Variants in MACROD2 observed in about 807,000 individuals in gnomAD.
MACROD2 encodes the protein ADP-ribose glycohydrolase MACROD2.
MACROD2 carries 36 observed loss-of-function variants against 70.4 expected under a neutral mutation model. The ratio of observed to expected loss-of-function variants is 0.51; its 90% confidence interval spans 0.39 to 0.68. The LOEUF is 0.68. MACROD2 is among the 30% of genes least tolerant of loss of function. The pLI, the probability that MACROD2 is intolerant of heterozygous loss-of-function variation, is 0.00. For synonymous variants in MACROD2, 172 were observed against 178.8 expected (o/e 0.96, Z 0.30); for missense variants, 496 against 538.4 (o/e 0.92, Z 0.78).
intron 3 of MACROD2, among the ~76,000 whole-genome samples, chr20:14,297,378 T>C (rs1252181407): frequency 6.6e-6 from 1 of 151,994 alleles, no homozygotes; most frequent in African/African-American, 2.4e-5. Context: ...TCTTGTGCCA[T>C]ACAGTTAGCC....
chr20:15,052,105 A>T (rs1352328975), intron 5 of MACROD2, among the ~76,000 whole-genome samples: 1 of 152,122 alleles, frequency 6.6e-6, no homozygotes, highest in Non-Finnish European at 1.5e-5. Flanking sequence ...CACCTGACTG[A>T]GTTCCTTCTC....
chr20:14,544,441 G>T (rs184342943), intron 4 of MACROD2, among the ~76,000 whole-genome samples: 14 of 151,746 alleles, frequency 9.2e-5, no homozygotes. Flanking sequence ...TCTTTTTTCG[G>T]CTATAAGGCA....
At chr20:15,815,575 A>G (rs1388698562) in intron 8 of MACROD2, among the ~76,000 whole-genome samples, 1 of 152,178 alleles carries the variant, frequency 6.6e-6, no homozygotes, top group Non-Finnish European at 1.5e-5. Context: ...AAACACTTCT[A>G]CTTGAGTGAC....
intron 8 of MACROD2, among the ~76,000 whole-genome samples, chr20:15,840,999 A>G (rs1383799806): frequency 1.3e-5 from 2 of 152,226 alleles, no homozygotes; most frequent in Non-Finnish European, 2.9e-5. Flanking sequence ...TTTACCACAT[A>G]GCAAAACCTC....
At chr20:14,977,910 A>G (rs1397834398) in intron 5 of MACROD2, among the ~76,000 whole-genome samples, 1 of 152,164 alleles carries the variant, frequency 6.6e-6, no homozygotes, top group Non-Finnish European at 1.5e-5. Context: ...CACAAATGTA[A>G]TGATATTTTA....
intron 2 of MACROD2, among the ~76,000 whole-genome samples, chr20:14,022,053 G>A (rs1329812849): frequency 3.9e-5 from 6 of 152,176 alleles, no homozygotes; most frequent in African/African-American, 1.2e-4. Context: ...GAGAGGCTGA[G>A]AAATGTAAAG....
At chr20:14,062,111 A>G (rs1253123672) in intron 2 of MACROD2, among the ~76,000 whole-genome samples, 1 of 152,214 alleles carries the variant, frequency 6.6e-6, no homozygotes, top group African/African-American at 2.4e-5. Flanking sequence ...ATTTCTGCAT[A>G]GAAATTTGCA....
intron 6 of MACROD2, among the ~76,000 whole-genome samples, chr20:15,275,856 G>A (rs1052699291): frequency 2.0e-5 from 3 of 152,106 alleles, no homozygotes; most frequent in Admixed American, 2.0e-4. Context: ...GGGAAATATG[G>A]AAACACTTTG....
chr20:15,894,070 T>C (rs6034319), intron 10 of MACROD2: 60,955 of 395,412 alleles, frequency 0.15, 6,126 homozygotes, highest in East Asian at 0.43. Context: ...AGCAGGAACA[T>C]GATGCCACAG....
At chr20:14,929,701 A>G (rs576250607) in intron 5 of MACROD2, among the ~76,000 whole-genome samples, 35 of 152,142 alleles carry the variant, frequency 2.3e-4, no homozygotes, top group African/African-American at 8.4e-4. Context: ...AGGGGCTCCC[A>G]TCCTCTGAGT....
At chr20:15,905,944 G>T (rs2065140905) in intron 10 of MACROD2, among the ~76,000 whole-genome samples, 1 of 152,188 alleles carries the variant, frequency 6.6e-6, no homozygotes, top group Non-Finnish European at 1.5e-5. Context: ...ATGACATGCA[G>T]AAACCCAGGG....
chr20:15,405,935 A>G (rs1213090844), intron 6 of MACROD2, among the ~76,000 whole-genome samples: 2 of 152,172 alleles, frequency 1.3e-5, no homozygotes, highest in South Asian at 2.1e-4. Flanking sequence ...GCTCACCAAC[A>G]TAACTTCAGC....
At chr20:15,197,609 A>G (rs1164466567) in intron 5 of MACROD2, among the ~76,000 whole-genome samples, 1 of 152,206 alleles carries the variant, frequency 6.6e-6, no homozygotes, top group Non-Finnish European at 1.5e-5. Flanking sequence ...TTAAGTGATT[A>G]TTCTTTTTAA....
intron 4 of MACROD2, among the ~76,000 whole-genome samples, chr20:14,539,717 T>G (rs1014049177): frequency 6.6e-6 from 1 of 152,264 alleles, no homozygotes; most frequent in African/African-American, 2.4e-5. Context: ...TGATAAGCAC[T>G]GATAACTCAA....
intron 6 of MACROD2, among the ~76,000 whole-genome samples, chr20:15,369,562 A>T (rs2045461964): frequency 1.3e-5 from 2 of 152,338 alleles, no homozygotes; most frequent in South Asian, 4.1e-4. Flanking sequence ...TTTAAATTAC[A>T]AAGAAATTCC....
intron 5 of MACROD2, among the ~76,000 whole-genome samples, chr20:15,139,390 G>A (rs1423028278): frequency 1.3e-5 from 2 of 152,076 alleles, no homozygotes; most frequent in African/African-American, 4.8e-5. Context: ...ATGGTGGGGG[G>A]GTGTCGTAGG....
chr20:15,053,370 A>G (rs2075458038), intron 5 of MACROD2, among the ~76,000 whole-genome samples: 1 of 152,170 alleles, frequency 6.6e-6, no homozygotes, highest in South Asian at 2.1e-4. Context: ...TATTGTTAGG[A>G]GCTAATGCAG....
At chr20:14,904,097 T>C (rs892689710) in intron 5 of MACROD2, among the ~76,000 whole-genome samples, 9 of 152,162 alleles carry the variant, frequency 5.9e-5, no homozygotes, top group Admixed American at 1.3e-4. Flanking sequence ...TGATACCATG[T>C]CTACATCTAC....
intron 5 of MACROD2, among the ~76,000 whole-genome samples, chr20:15,000,479 C>T (rs1277526379): frequency 2.8e-5 from 4 of 143,316 alleles, no homozygotes; most frequent in Admixed American, 6.9e-5. Flanking sequence ...AAAAATTAGC[C>T]GGGCGCGGTG....
Sources: gnomAD v4.1 joint callset for allele counts (sites outside exome capture counted in the v4.1 genomes callset) on GRCh38, gnomAD v4.1.1 for gene constraint, MANE v1.5 for transcripts, NCBI Gene and HGNC (gene_info 2026-07-23, HGNC 2026-07-21) for gene names.